B4GALT2: variants seen among roughly 807,000 people sequenced by gnomAD.
B4GALT2 encodes beta-1,4-galactosyltransferase 2.
Under a neutral mutation model 33.2 loss-of-function variants are expected in B4GALT2, and 18 were observed. The ratio of observed to expected loss-of-function variants is 0.54; its 90% CI spans 0.38 to 0.80. The LOEUF (loss-of-function observed/expected upper bound fraction) is 0.80, where lower values mean the gene tolerates loss of function less well. Ranked by LOEUF, B4GALT2 falls within the 30% of genes least tolerant of loss-of-function variation. The pLI, the probability that B4GALT2 is intolerant of heterozygous loss-of-function variation, is 0.00. For missense variants in B4GALT2, 404 were observed against 526.2 expected (o/e 0.77, Z 2.27); for synonymous variants, 214 against 217.6 (o/e 0.98, Z 0.15).
chr1:43,988,947 A>G (rs935572304), intron 6 of B4GALT2, among the ~76,000 whole-genome samples: 27 of 152,062 alleles, frequency 1.8e-4, no homozygotes, highest in African/African-American at 9.7e-5. Flanking sequence ...TTGAGGGCCA[A>G]TGCAGGAGCA....
In B4GALT2 at chr1:43,987,877, C is replaced by T. The variant is rs72683974; in HGVS notation, c.968+2256C>T. On this transcript the variant is annotated intron_variant, in intron 6 of 6. Transcript: ENST00000372324. ...CAAAATCTTATTCCCAATTTAGGGT[C>T]ACCATGTGCTCTGACCTCTACCTGG... 4.4e-3 allele frequency among the ~76,000 whole-genome samples: 675 copies of T among 152,324 alleles called. 4 individuals are homozygous for T. The highest frequency in any genetic ancestry group is 0.01 in the Middle Eastern group (3 of 294).
chr1:43,981,561 C>CG lies in B4GALT2; in HGVS notation c.313+88_313+89insG. On this transcript the variant is annotated intron_variant, in intron 2 of 6. Coordinates refer to ENST00000372324, the MANE Select transcript of B4GALT2 (RefSeq NM_003780.5). This position sits in a 1 kb window ranked among gnomAD's most constrained non-coding sequence, Gnocchi z 8.1. Reference sequence around the variant, plus strand: ...ATGGCATCTGGACCCAGGGGTGTGCCAGGGGTCCAGGTCTGTTGTAAGAGG... The same window carrying CG: ...ATGGCATCTGGACCCAGGGGTGTGCCGAGGGGTCCAGGTCTGTTGTAAGAGG... The CG allele has an allele frequency of 6.6e-7, 1 of 1,521,370 alleles. No homozygotes were observed. The highest frequency in any genetic ancestry group is 8.8e-7 in the Non-Finnish European group (1 of 1,133,710). The allele number at this position is 1,521,370 out of a possible 1,614,324, so 94.2% of individuals were successfully genotyped here.
At chr1:43,989,481 GAT>G (rs1272278985) in intron 6 of B4GALT2, among the ~76,000 whole-genome samples, 2 of 152,210 alleles carry the variant, frequency 1.3e-5, no homozygotes, top group Non-Finnish European at 1.5e-5. Context: ...GGAGGAGTGA[GAT>G]AGGAATTTTA....
At chr1:43,980,575 A>G in intron 1 of B4GALT2, 10 of 995,026 alleles carry the variant, frequency 1.0e-5, no homozygotes, top group South Asian at 9.2e-5. Flanking sequence ...GGCTCCTGGA[A>G]GGACTAAATG....
intron 6 of B4GALT2, among the ~76,000 whole-genome samples, chr1:43,989,320 C>CAAAG (rs2085696146): frequency 8.5e-6 from 1 of 118,194 alleles, no homozygotes; most frequent in Non-Finnish European, 1.7e-5. Flanking sequence ...TACTCTGTCT[C>CAAAG]AAAAAAAAAA....
chr1:43,987,799 G>A (rs2085676015), intron 6 of B4GALT2, among the ~76,000 whole-genome samples: 1 of 152,190 alleles, frequency 6.6e-6, no homozygotes, highest in Admixed American at 6.5e-5. Flanking sequence ...GAACCTCCAA[G>A]CTAATATTCT....
intron 6 of B4GALT2, among the ~76,000 whole-genome samples, chr1:43,990,002 C>T (rs1392388974): frequency 6.6e-6 from 1 of 152,178 alleles, no homozygotes; most frequent in East Asian, 1.9e-4. Flanking sequence ...CTGGCATGGC[C>T]TTAGATCCTA....
rs757515250 is a variant in B4GALT2 at position 43,981,242 on chromosome 1, G to A, written c.82G>A (p.Val28Ile). 1.2e-5 allele frequency: 19 copies of A among 1,606,234 alleles called. No individual in the cohort carries two copies. The highest frequency in any genetic ancestry group is 1.5e-5 in the Non-Finnish European group (18 of 1,179,892). Residue 28 changes from valine to isoleucine, a missense_variant, in exon 2 of 7, where the codon GTC becomes ATC. Physicochemically the swap from Val to Ile is conservative, Grantham distance 29. Transcript: ENST00000372324. The surrounding 1 kb of genome is among the most constrained non-coding windows in gnomAD (Gnocchi z 8.1). The part of the protein sequence containing the change: ...LLCLLHFLVA[V>I]ILYFDVYAQH... ...CTGCCTGCTGCACTTCCTCGTGGCC[G>A]TCATCCTCTACTTTGACGTCTACGC... is the stretch of plus-strand genomic sequence containing the variant.
At chr1:43,980,814 GTA>G (rs950543225) in intron 1 of B4GALT2, among the ~76,000 whole-genome samples, 2 of 152,164 alleles carry the variant, frequency 1.3e-5, no homozygotes, top group African/African-American at 4.8e-5. Flanking sequence ...GAGTGTGTGT[GTA>G]GAGTTGTGCA....
Position 43,982,382 on chromosome 1 carries a change from GC to G in B4GALT2, c.549+465del, listed in dbSNP as rs1285883201. 6.6e-6 allele frequency among the ~76,000 whole-genome samples: 1 copy of G among 151,452 alleles called. No homozygotes were observed. Among genetic ancestry groups the G allele is most frequent in the Non-Finnish European group, 1.5e-5 (1 of 67,814 alleles). On this transcript the variant is annotated intron_variant, in intron 3 of 6. Coordinates refer to ENST00000372324, the MANE Select transcript of B4GALT2 (RefSeq NM_003780.5). This position sits in a 1 kb window ranked among gnomAD's most constrained non-coding sequence, Gnocchi z 4.3. ...GTCCCAGAAGGGACCTCTGATGCAGGCCCCCCCGCCCCCGCCGACCACAGAG... is the reference window on the plus strand; with the variant it reads ...GTCCCAGAAGGGACCTCTGATGCAGGCCCCCCGCCCCCGCCGACCACAGAG...
At position 43,981,487 on chromosome 1, in the gene B4GALT2, G is replaced by T; in HGVS notation, c.313+14G>T. On this transcript the variant is annotated intron_variant, in intron 2 of 6. Transcript: ENST00000372324. This position sits in a 1 kb window ranked among gnomAD's most constrained non-coding sequence, Gnocchi z 8.1. ...CACCTGGTCTTGGTGAGCCTGGAGG[G>T]TAGGGCCTGCCTGTGGGGAAACAGG... 6.4e-7 allele frequency: 1 copy of T among 1,562,008 alleles called. No homozygotes were observed. Among genetic ancestry groups the T allele is most frequent in the Non-Finnish European group, 8.6e-7 (1 of 1,157,972 alleles).
At chr1:43,988,231 C>T (rs1040032925) in intron 6 of B4GALT2, among the ~76,000 whole-genome samples, 2 of 152,084 alleles carry the variant, frequency 1.3e-5, no homozygotes, top group Admixed American at 6.5e-5. Context: ...TCTGAGCTGA[C>T]CTCACACCGT....
rs2085576602 is a variant in B4GALT2, at chr1:43,979,987, G to T, written c.-53+476G>T. On this transcript the variant is annotated intron_variant, in intron 1 of 6. Transcript: ENST00000372324. This position sits in a 1 kb window ranked among gnomAD's most constrained non-coding sequence, Gnocchi z 4.8. ...GGAATGTCTGCACGTGGGTCTGGGTGTGAGCTGTCTGAGAGTCTGGATGTA... is the reference window on the plus strand; with the variant it reads ...GGAATGTCTGCACGTGGGTCTGGGTTTGAGCTGTCTGAGAGTCTGGATGTA... 36 of 1,527,728 alleles carry T rather than the reference G, an allele frequency of 2.4e-5. No individual in the cohort carries two copies. Among genetic ancestry groups the T allele is most frequent in the Non-Finnish European group, 3.2e-5 (36 of 1,142,780 alleles). 94.6% of individuals were successfully genotyped at this position (1,527,728 alleles called of 1,614,324 possible). A position where few individuals can be genotyped will look rare whatever the true frequency, so the allele number is the denominator to read the frequency against.
In B4GALT2 at chr1:43,984,682, C is replaced by A. The variant is rs1243967453; in HGVS notation, c.550-183C>A. Among the ~76,000 whole-genome samples, 5 of 152,154 alleles carry A rather than the reference C, an allele frequency of 3.3e-5. No individual in the cohort carries two copies. The highest frequency in any genetic ancestry group is 1.2e-4 in the African/African-American group (5 of 41,426). On this transcript the variant is annotated intron_variant, in intron 3 of 6. Transcript: ENST00000372324. The surrounding 1 kb of genome is among the most constrained non-coding windows in gnomAD (Gnocchi z 5.6). ...GCAGTGGCCAGAGAGGAGGCTGGAG[C>A]CACATATGAAAGGCCTTTGTAGGCC...
rs1571803251 is a variant in B4GALT2, at chr1:43,982,395, C to T, written c.549+471C>T. Among the ~76,000 whole-genome samples the T allele has an allele frequency of 6.6e-6, 1 of 152,130 alleles. No homozygotes were observed. The highest frequency in any genetic ancestry group is 2.4e-5 in the African/African-American group (1 of 41,422). Reference sequence around the variant, plus strand: ...CCTCTGATGCAGGCCCCCCCGCCCCCGCCGACCACAGAGACCTCCTAGACT... The same window carrying T: ...CCTCTGATGCAGGCCCCCCCGCCCCTGCCGACCACAGAGACCTCCTAGACT... On this transcript the variant is annotated intron_variant, in intron 3 of 6. Transcript: ENST00000372324. This position sits in a 1 kb window ranked among gnomAD's most constrained non-coding sequence, Gnocchi z 4.3.
In B4GALT2 at chr1:43,979,804, C is replaced by G. The variant is rs2154303134; in HGVS notation, c.-53+293C>G. On this transcript the variant is annotated intron_variant, in intron 1 of 6. Transcript: ENST00000372324. This position sits in a 1 kb window ranked among gnomAD's most constrained non-coding sequence, Gnocchi z 4.8. The stretch of plus-strand genomic sequence containing the variant: ...CTTGGCCTTTGCCTCATCCGCTGCC[C>G]TCCACCCACTCCCCCTGCCCCCAGG... The G allele has an allele frequency of 1.1e-5, 6 of 561,170 alleles. No homozygotes were observed. The East Asian group carries it at 1.6e-4, about 15-fold the overall frequency. 34.8% of individuals were successfully genotyped at this position (561,170 alleles called of 1,614,324 possible). A position where few individuals can be genotyped will look rare whatever the true frequency, so the allele number is the denominator to read the frequency against.
chr1:43,985,442 G>GGGGGGGTTC, intron 5 of B4GALT2, 42 bp downstream of exon 5: 1 of 419,954 alleles, frequency 2.4e-6, no homozygotes, highest in Admixed American at 4.1e-5. Context: ...GTGGGGGGGG[G>GGGGGGGTTC]AGGGGGGGTG....
chr1:43,983,305 G>T (rs539286576), intron 3 of B4GALT2, among the ~76,000 whole-genome samples: 2 of 152,354 alleles, frequency 1.3e-5, no homozygotes, highest in African/African-American at 4.8e-5. Context: ...AGAGGAGGAA[G>T]CCAGCACTTC....
Position 43,986,091 on chromosome 1 carries a change from T to G in B4GALT2, c.968+470T>G, listed in dbSNP as rs112029365. The G allele has an allele frequency of 2.4e-3, 406 of 170,988 alleles. 2 individuals are homozygous for G. The highest frequency in any genetic ancestry group is 3.8e-3 in the Non-Finnish European group (299 of 78,850). The allele number at this position is 170,988 out of a possible 1,614,324, so 10.6% of individuals were successfully genotyped here. A position where few individuals can be genotyped will look rare whatever the true frequency, so the allele number is the denominator to read the frequency against. ...GGTGTGGAAAGACAGTGCCCACCCCTCTGAAATTGAAGGAGGTGGATGTAT... is the reference window on the plus strand; with the variant it reads ...GGTGTGGAAAGACAGTGCCCACCCCGCTGAAATTGAAGGAGGTGGATGTAT... On this transcript the variant is annotated intron_variant, in intron 6 of 6. Coordinates refer to ENST00000372324, the MANE Select transcript of B4GALT2 (RefSeq NM_003780.5).
Sources: gnomAD v4.1 joint callset for allele counts (sites outside exome capture counted in the v4.1 genomes callset) on GRCh38, gnomAD v4.1.1 for gene constraint, Gnocchi (gnomAD v3.1) non-coding constraint, MANE v1.5 for transcripts, NCBI Gene and HGNC (gene_info 2026-07-23, HGNC 2026-07-21) for gene names.